Variants in SEMA3A observed in about 807,000 individuals in gnomAD.
The protein encoded by SEMA3A is semaphorin 3A.
Under a neutral mutation model 97.9 loss-of-function variants are expected in SEMA3A, and 29 were observed. The observed-to-expected ratio is 0.30, with a 90% CI of 0.22 to 0.40. The LOEUF (loss-of-function observed/expected upper bound fraction) is 0.40, where lower values mean the gene tolerates loss of function less well. Ranked by LOEUF, SEMA3A falls within the 10% of genes least tolerant of loss-of-function variation. The pLI, the probability that SEMA3A is intolerant of heterozygous loss-of-function variation, is 1.00. For missense variants in SEMA3A, 763 were observed against 951.3 expected, an observed-to-expected ratio of 0.80 and a Z score of 2.60; for synonymous variants, 321 against 323.7, an observed-to-expected ratio of 0.99 and a Z score of 0.09.
chr7:84,265,596 A>G (rs1221010201), intron 3 of SEMA3A, among the ~76,000 whole-genome samples: 1 of 150,002 alleles, frequency 6.7e-6, no homozygotes, highest in Non-Finnish European at 1.5e-5. Flanking sequence ...TTTGAGAGCT[A>G]TAATACCCCA....
chr7:84,048,069 C>T (rs1164648397), intron 5 of SEMA3A, among the ~76,000 whole-genome samples: 2 of 151,820 alleles, frequency 1.3e-5, no homozygotes, highest in African/African-American at 4.8e-5. Flanking sequence ...AAAATTTGAT[C>T]TTTCATTTTG....
At chr7:84,471,140 TAA>T (rs2116410147) in intron 1 of SEMA3A, among the ~76,000 whole-genome samples, 1 of 152,186 alleles carries the variant, frequency 6.6e-6, no homozygotes, top group Non-Finnish European at 1.5e-5. Context: ...AAACACAGAC[TAA>T]GTCATTTCCC....
intron 1 of SEMA3A, among the ~76,000 whole-genome samples, chr7:84,449,468 C>A (rs1309950319): frequency 6.6e-6 from 1 of 151,930 alleles, no homozygotes; most frequent in Admixed American, 6.5e-5. Context: ...AAACTGCAAA[C>A]AACAGGACTG....
chr7:83,993,191 T>C (rs1243075977), intron 12 of SEMA3A, among the ~76,000 whole-genome samples: 1 of 130,282 alleles, frequency 7.7e-6, no homozygotes, highest in Non-Finnish European at 1.6e-5. Context: ...TCCATCCTTT[T>C]ATTTTGAGCG....
At chr7:84,113,007 C>T (rs1402629292) in intron 3 of SEMA3A, among the ~76,000 whole-genome samples, 1 of 152,218 alleles carries the variant, frequency 6.6e-6, no homozygotes, top group Non-Finnish European at 1.5e-5. Flanking sequence ...TGAACTCTCC[C>T]AGTTGGCAGC....
At chr7:84,028,765 C>T (rs1791634355) in intron 6 of SEMA3A, among the ~76,000 whole-genome samples, 1 of 151,910 alleles carries the variant, frequency 6.6e-6, no homozygotes, top group Non-Finnish European at 1.5e-5. Context: ...CCACCACCCC[C>T]TGCTAATTTT....
intron 4 of SEMA3A, among the ~76,000 whole-genome samples, chr7:84,102,507 G>T (rs571190246): frequency 6.6e-6 from 1 of 150,864 alleles, no homozygotes; most frequent in Non-Finnish European, 1.5e-5. Context: ...AGAGCCATTG[G>T]GACCCATAGA....
chr7:84,065,009 A>G (rs564462593), intron 4 of SEMA3A, among the ~76,000 whole-genome samples: 150 of 152,260 alleles, frequency 9.9e-4, no homozygotes, highest in African/African-American at 3.4e-3. Context: ...AATTGACCAC[A>G]TACTTGGAAG....
intron 6 of SEMA3A, among the ~76,000 whole-genome samples, chr7:84,015,034 C>G (rs1345693264): frequency 6.6e-6 from 1 of 152,108 alleles, no homozygotes; most frequent in African/African-American, 2.4e-5. Flanking sequence ...TAACTAGTTT[C>G]TTAGTTTCTA....
intron 3 of SEMA3A, among the ~76,000 whole-genome samples, chr7:84,236,464 C>G (rs996464991): frequency 1.3e-5 from 2 of 152,120 alleles, no homozygotes; most frequent in African/African-American, 4.8e-5. Flanking sequence ...ATGATTGCCT[C>G]TCTTTGCAAG....
At chr7:84,092,799 C>A (rs1010306254) in intron 4 of SEMA3A, among the ~76,000 whole-genome samples, 3 of 152,092 alleles carry the variant, frequency 2.0e-5, no homozygotes, top group African/African-American at 7.2e-5. Context: ...TAACCTCCAA[C>A]TATTTCTTTG....
chr7:84,486,373 C>T (rs565755464), intron 1 of SEMA3A, among the ~76,000 whole-genome samples: 2 of 152,106 alleles, frequency 1.3e-5, no homozygotes, highest in African/African-American at 2.4e-5. Flanking sequence ...GGCGACAGGG[C>T]GAGATTCTGT....
At chr7:84,162,257 T>G (rs1014184203) in intron 1 of SEMA3A, among the ~76,000 whole-genome samples, 2 of 152,266 alleles carry the variant, frequency 1.3e-5, no homozygotes, top group African/African-American at 2.4e-5. Context: ...CAGAAACAAT[T>G]GGATGTTATT....
intron 4 of SEMA3A, among the ~76,000 whole-genome samples, chr7:84,078,447 C>A (rs888861300): frequency 6.6e-6 from 1 of 151,934 alleles, no homozygotes; most frequent in Non-Finnish European, 1.5e-5. Context: ...AGTTTGCAAC[C>A]CCTCTAAACC....
At chr7:84,490,149 A>T (rs1806681667) in intron 1 of SEMA3A, among the ~76,000 whole-genome samples, 1 of 151,612 alleles carries the variant, frequency 6.6e-6, no homozygotes, top group African/African-American at 2.4e-5. Context: ...TTCCAGTAAA[A>T]AGAACCATTT....
intron 4 of SEMA3A, among the ~76,000 whole-genome samples, chr7:84,106,740 T>C (rs771693543): frequency 9.9e-5 from 15 of 152,176 alleles, no homozygotes; most frequent in Non-Finnish European, 1.9e-4. Context: ...CTGCCATATA[T>C]GATGATAAGT....
At chr7:84,013,706 C>A (rs3779439) in intron 7 of SEMA3A, among the ~76,000 whole-genome samples, 6 of 151,830 alleles carry the variant, frequency 4.0e-5, no homozygotes, top group Non-Finnish European at 7.4e-5. Context: ...ACTTAGCTAG[C>A]CATGATGGCA....
At chr7:84,312,913 T>G in intron 2 of SEMA3A, among the ~76,000 whole-genome samples, 1 of 49,724 alleles carries the variant, frequency 2.0e-5, no homozygotes, top group Non-Finnish European at 5.2e-5. Flanking sequence ...TATATATATA[T>G]ATATATATAC....
Position 84,004,294 on chromosome 7 carries a change from C to G in SEMA3A, c.1360+1045G>C, listed in dbSNP as rs555741158. ...AAAATAAAATAATATATCATAATAA[C>G]AATGGAATTCATTCTGAAAATATAC... On this transcript the variant is annotated intron_variant, in intron 11 of 16. Transcript: ENST00000265362. 2.6e-5 allele frequency among the ~76,000 whole-genome samples: 4 copies of G among 151,890 alleles called. No individual in the cohort carries two copies. In the South Asian group the frequency reaches 8.3e-4, roughly 31 times the overall value.
Sources: gnomAD v4.1 joint callset for allele counts (sites outside exome capture counted in the v4.1 genomes callset) on GRCh38, gnomAD v4.1.1 for gene constraint, MANE v1.5 for transcripts, NCBI Gene and HGNC (gene_info 2026-07-23, HGNC 2026-07-21) for gene names.